SLC16A14: variants seen among roughly 807,000 people sequenced by gnomAD.
The protein encoded by SLC16A14 is solute carrier family 16 member 14, also known as monocarboxylate transporter 14.
A neutral mutation model predicts 35.8 loss-of-function variants in SLC16A14; 14 were observed. The observed-to-expected ratio is 0.39, with a 90% CI of 0.26 to 0.61. The LOEUF (loss-of-function observed/expected upper bound fraction) is 0.61, where lower values mean the gene tolerates loss of function less well. Ranked by LOEUF, SLC16A14 falls within the 20% of genes least tolerant of loss-of-function variation. The probability of loss-of-function intolerance (pLI) is 0.51; values close to 1 mark genes in which losing one functional copy is unlikely to be tolerated. For missense variants in SLC16A14, 533 were observed against 655.0 expected (o/e 0.81, Z 2.03); for synonymous variants, 248 against 258.9 (o/e 0.96, Z 0.40).
intron 2 of SLC16A14, among the ~76,000 whole-genome samples, chr2:230,052,102 A>G (rs1014103917): frequency 7.9e-5 from 12 of 151,984 alleles, no homozygotes; most frequent in Non-Finnish European, 1.6e-4. Context: ...ATGCCTGGCT[A>G]ATTTTTGTAT....
intron 1 of SLC16A14, among the ~76,000 whole-genome samples, chr2:230,060,185 A>G (rs1325527618): frequency 6.6e-6 from 1 of 152,184 alleles, no homozygotes; most frequent in East Asian, 1.9e-4. Context: ...TAGATCATGC[A>G]AGGCCCTTGT....
At chr2:230,041,168 C>T (rs1041897543) in intron 4 of SLC16A14, among the ~76,000 whole-genome samples, 2 of 152,046 alleles carry the variant, frequency 1.3e-5, no homozygotes, top group African/African-American at 4.8e-5. Context: ...AATAAAGGCT[C>T]CCAGCTTTTG....
intron 2 of SLC16A14, among the ~76,000 whole-genome samples, chr2:230,056,415 T>G (rs35939812): frequency 0.21 from 32,200 of 151,988 alleles, 4,190 homozygotes; most frequent in South Asian, 0.34. Flanking sequence ...CCACCATGCC[T>G]GGCTAATTTT....
intron 2 of SLC16A14, among the ~76,000 whole-genome samples, chr2:230,051,242 C>T (rs369154616): frequency 2.0e-5 from 3 of 152,152 alleles, no homozygotes; most frequent in Non-Finnish European, 4.4e-5. Context: ...CTCACTGCAG[C>T]CTTCACCTCC....
chr2:230,062,174 A>AG (rs2077756868), intron 1 of SLC16A14, among the ~76,000 whole-genome samples: 1 of 151,950 alleles, frequency 6.6e-6, no homozygotes. Context: ...GTGATGTAAA[A>AG]AAACTATCCA....
chr2:230,054,954 C>G (rs34607433), intron 2 of SLC16A14, among the ~76,000 whole-genome samples: 102,770 of 151,626 alleles, frequency 0.68, 35,290 homozygotes, highest in Non-Finnish European at 0.73. Flanking sequence ...CTAAATTTAA[C>G]AGGTAGCCCA....
intron 1 of SLC16A14, among the ~76,000 whole-genome samples, chr2:230,059,781 C>A (rs2077736678): frequency 6.6e-6 from 1 of 152,246 alleles, no homozygotes; most frequent in Non-Finnish European, 1.5e-5. Flanking sequence ...GATCTGGCTT[C>A]AGGCAGCCTT....
At chr2:230,064,243 C>T (rs1444691017) in intron 1 of SLC16A14, among the ~76,000 whole-genome samples, 2 of 151,902 alleles carry the variant, frequency 1.3e-5, no homozygotes, top group African/African-American at 2.4e-5. Flanking sequence ...AACAAGATGA[C>T]CTCTATTGGG....
chr2:230,066,327 C>A (rs1443979690), intron 1 of SLC16A14, among the ~76,000 whole-genome samples: 1 of 151,782 alleles, frequency 6.6e-6, no homozygotes, highest in East Asian at 1.9e-4. Flanking sequence ...TAAAAGGTAA[C>A]CCACTCTAAG....
intron 3 of SLC16A14, among the ~76,000 whole-genome samples, chr2:230,048,919 A>G (rs62191757): frequency 0.74 from 81,567 of 109,928 alleles, 29,468 homozygotes; most frequent in African/African-American, 0.85. Context: ...GTGAAACTCC[A>G]TCTCAAAAAA....
chr2:230,063,262 G>T (rs1376956102), intron 1 of SLC16A14, among the ~76,000 whole-genome samples: 1 of 134,414 alleles, frequency 7.4e-6, no homozygotes, highest in African/African-American at 2.9e-5. Context: ...CTGCACTCCA[G>T]CCTGGGTTAA....
chr2:230,045,993 C>T lies in SLC16A14; in HGVS notation c.1133G>A (p.Cys378Tyr). 1 of 1,613,804 alleles carries T rather than the reference C, an allele frequency of 6.2e-7. No homozygotes were observed. The highest frequency in any genetic ancestry group is 1.1e-5 in the South Asian group (1 of 91,084). The change falls in exon 4 of 5, where the codon TGC becomes TAC. Residue 378 changes from cysteine to tyrosine, a missense_variant. Cys to Tyr is a radical substitution (Grantham distance 194). Transcript: ENST00000295190. ...VILGVIADLPCISVWNVFLLA... is the reference protein window; with the variant it reads ...VILGVIADLPYISVWNVFLLA... ...CAGGAAGACATTCCAAACACTAATG[C>T]AAGGCAAGTCGGCTATGACGCCCAG...
chr2:230,038,997 T>C lies in SLC16A14; in HGVS notation c.1382-1466A>G, dbSNP rs78629245. ...CAGAAACATCTTTAAAAAAATCGAA[T>C]TGGCAAATGAATGCGTAAATGCACT... is the stretch of plus-strand genomic sequence containing the variant. On this transcript the variant is annotated intron_variant, in intron 4 of 4. Transcript: ENST00000295190. This position sits in a 1 kb window ranked among gnomAD's most constrained non-coding sequence, Gnocchi z 4.4. Among the ~76,000 whole-genome samples the C allele has an allele frequency of 0.011, 1,701 of 152,148 alleles. 17 individuals carry two copies. The highest frequency in any genetic ancestry group is 0.037 in the Middle Eastern group (11 of 294).
Position 230,046,611 on chromosome 2 carries a change from G to A in SLC16A14, c.515C>T (p.Thr172Met), listed in dbSNP as rs1227221435. ...GLSTTGTGFG[T>M]FLMTVLLKYL... is the part of the protein sequence containing the mutation. ...CTTCAGCAGCACAGTCATTAGGAACGTACCGAATCCGGTCCCCGTGGTGCT... is the reference window on the plus strand; with the variant it reads ...CTTCAGCAGCACAGTCATTAGGAACATACCGAATCCGGTCCCCGTGGTGCT... Residue 172 changes from threonine to methionine, a missense_variant, in exon 4 of 5, where the codon ACG becomes ATG. By Grantham distance (81) the Thr-to-Met change is moderately conservative. Coordinates refer to ENST00000295190, the MANE Select transcript of SLC16A14 (RefSeq NM_152527.5). The surrounding 1 kb of genome is among the most constrained non-coding windows in gnomAD (Gnocchi z 5.0). 7.4e-6 allele frequency: 12 copies of A among 1,613,246 alleles called. No individual in the cohort carries two copies. Among genetic ancestry groups the A allele is most frequent in the East Asian group, 2.2e-5 (1 of 44,882 alleles).
chr2:230,062,760 T>C (rs2077761070), intron 1 of SLC16A14, among the ~76,000 whole-genome samples: 1 of 152,210 alleles, frequency 6.6e-6, no homozygotes. Flanking sequence ...AGGGTACCAG[T>C]GGAGAAGCAA....
chr2:230,047,068 G>A (rs79050861), intron 3 of SLC16A14, among the ~76,000 whole-genome samples: 3,601 of 152,252 alleles, frequency 0.024, 144 homozygotes, highest in African/African-American at 0.081. Context: ...GGACTGCCCA[G>A]ATCACATGGC....
At chr2:230,049,932 G>A in intron 2 of SLC16A14, 28 bp from the exon 3 acceptor site, 1 of 1,601,924 alleles carries the variant, frequency 6.2e-7, no homozygotes, top group East Asian at 2.2e-5. Flanking sequence ...AAAAGGAATT[G>A]ACTAAAGGTG....
At chr2:230,044,738 A>ATATGTG (rs1451580005) in intron 4 of SLC16A14, among the ~76,000 whole-genome samples, 4 of 79,784 alleles carry the variant, frequency 5.0e-5, no homozygotes, top group Non-Finnish European at 1.2e-4. Context: ...GTGTGTGTGT[A>ATATGTG]TGTGTGTGTG....
rs145841515 is a variant in SLC16A14 at position 230,064,912 on chromosome 2, A to C, written c.-15+3643T>G. Among the ~76,000 whole-genome samples, 934 of 152,250 alleles carry C rather than the reference A, an allele frequency of 6.1e-3. 14 individuals carry two copies. Among genetic ancestry groups the C allele is most frequent in the Non-Finnish European group, 5.4e-3 (365 of 68,020 alleles). Reference sequence around the variant, plus strand: ...GTAATCCCAGCTACTCGGGAGGCTGAAGCAGGAGAATCTCTTGCACCTGGG... The same window carrying C: ...GTAATCCCAGCTACTCGGGAGGCTGCAGCAGGAGAATCTCTTGCACCTGGG... On this transcript the variant is annotated intron_variant, in intron 1 of 4. Transcript: ENST00000295190.
Sources: allele counts gnomAD v4.1 joint callset (sites outside exome capture counted in the v4.1 genomes callset), GRCh38; gene constraint gnomAD v4.1.1; non-coding constraint Gnocchi (gnomAD v3.1); transcripts MANE v1.5; gene names NCBI Gene and HGNC (gene_info 2026-07-23, HGNC 2026-07-21).